Variants in PSMD1 observed in about 807,000 individuals in gnomAD.
The protein encoded by PSMD1 is proteasome 26S subunit, non-ATPase 1.
In PSMD1, 18 loss-of-function variants were observed where a neutral mutation model predicts 119.0. That is an observed-to-expected ratio of 0.15 (90% CI 0.10 to 0.22). PSMD1 has a LOEUF of 0.22. PSMD1 is among the 10% of genes least tolerant of loss of function. PSMD1 has a pLI of 1.00. For missense variants in PSMD1, 702 were observed against 1,158.5 expected, an observed-to-expected ratio of 0.61 and a Z score of 5.72; for synonymous variants, 374 against 396.6, an observed-to-expected ratio of 0.94 and a Z score of 0.68.
chr2:231,166,523 A>G (rs1438872684), intron 23 of PSMD1, among the ~76,000 whole-genome samples: 1 of 140,326 alleles, frequency 7.1e-6, no homozygotes, highest in African/African-American at 2.7e-5. Context: ...TTTTTTTTCT[A>G]TTTCATTACA....
chr2:231,085,524 T>G (rs1277656270), intron 15 of PSMD1, among the ~76,000 whole-genome samples: 1 of 152,192 alleles, frequency 6.6e-6, no homozygotes, highest in Non-Finnish European at 1.5e-5. Context: ...GTGCAGTGGC[T>G]CATGCCTGTA....
intron 5 of PSMD1, 52 bp downstream of exon 5, chr2:231,067,163 G>A: frequency 7.3e-7 from 1 of 1,368,116 alleles, no homozygotes; most frequent in South Asian, 1.5e-5. Flanking sequence ...AATCAGCAAA[G>A]CAAGTTATTC....
intron 4 of PSMD1, among the ~76,000 whole-genome samples, chr2:231,066,027 A>G (rs746468586): frequency 1.1e-4 from 16 of 152,208 alleles, no homozygotes; most frequent in African/African-American, 3.1e-4. Context: ...CTAATATGCT[A>G]TACAGGTTTG....
chr2:231,114,621 A>G (rs913296020), intron 16 of PSMD1, among the ~76,000 whole-genome samples: 7 of 152,238 alleles, frequency 4.6e-5, no homozygotes, highest in African/African-American at 1.7e-4. Flanking sequence ...TTGATTTGAA[A>G]AGAAAATCTC....
At chr2:231,084,012 A>T (rs1307180495) in intron 14 of PSMD1, among the ~76,000 whole-genome samples, 1 of 152,200 alleles carries the variant, frequency 6.6e-6, no homozygotes, top group African/African-American at 2.4e-5. Flanking sequence ...AAGCAGATTC[A>T]GCATAGTTCT....
intron 16 of PSMD1, chr2:231,133,693 A>G (rs1695903806): frequency 6.6e-6 from 1 of 152,202 alleles, no homozygotes; most frequent in Non-Finnish European, 1.5e-5. Context: ...CTGCCTATCT[A>G]TGTATATTGC....
chr2:231,087,461 A>G (rs1438192085), intron 16 of PSMD1, among the ~76,000 whole-genome samples: 1 of 152,224 alleles, frequency 6.6e-6, no homozygotes, highest in African/African-American at 2.4e-5. Flanking sequence ...TTTAAATCCA[A>G]ATAACACATC....
At chr2:231,110,422 G>A (rs1049672416) in intron 16 of PSMD1, among the ~76,000 whole-genome samples, 4 of 152,190 alleles carry the variant, frequency 2.6e-5, no homozygotes, top group African/African-American at 9.7e-5. Flanking sequence ...TCTTAGTGAA[G>A]TAGCTTATTA....
rs187861126 is a variant in PSMD1, at chr2:231,111,147, C to T, written c.1883+23966C>T. On this transcript the variant is annotated intron_variant, in intron 16 of 24. Coordinates refer to ENST00000308696, the MANE Select transcript of PSMD1 (RefSeq NM_002807.4). ...CCAGCATTTTCTACTTCATCCCATTCGTGACCCTTCTAAGACCTTAATTTT... is the reference window on the plus strand; with the variant it reads ...CCAGCATTTTCTACTTCATCCCATTTGTGACCCTTCTAAGACCTTAATTTT... 7.0e-4 allele frequency among the ~76,000 whole-genome samples: 106 copies of T among 152,290 alleles called. 1 individual carries two copies. The highest frequency in any genetic ancestry group is 2.2e-3 in the African/African-American group (90 of 41,554).
At chr2:231,087,314 G>GT in intron 16 of PSMD1, 133 bp downstream of exon 16, 2 of 675,664 alleles carry the variant, frequency 3.0e-6, no homozygotes, top group Non-Finnish European at 5.1e-6. Flanking sequence ...TGGGTTCAGA[G>GT]TGAGGACCAT....
At chr2:231,099,064 G>A (rs971910945) in intron 16 of PSMD1, among the ~76,000 whole-genome samples, 2 of 152,184 alleles carry the variant, frequency 1.3e-5, no homozygotes, top group African/African-American at 4.8e-5. Flanking sequence ...GTTATAACGA[G>A]GAAGGATAAC....
At chr2:231,168,062 G>C in intron 23 of PSMD1, among the ~76,000 whole-genome samples, 1 of 152,156 alleles carries the variant, frequency 6.6e-6, no homozygotes, top group East Asian at 1.9e-4. Context: ...CTGGACACCA[G>C]CTTAGGCAAC....
intron 14 of PSMD1, among the ~76,000 whole-genome samples, chr2:231,084,284 A>G (rs1694381263): frequency 1.3e-5 from 2 of 152,226 alleles, no homozygotes; most frequent in South Asian, 4.1e-4. Context: ...CCTGGGAGAC[A>G]GAGGTTATAG....
At chr2:231,098,587 C>T (rs752240016) in intron 16 of PSMD1, among the ~76,000 whole-genome samples, 2 of 151,592 alleles carry the variant, frequency 1.3e-5, no homozygotes, top group Admixed American at 6.6e-5. Flanking sequence ...CCCCTCTCTG[C>T]TGTTCTTTCC....
chr2:231,108,914 C>T (rs762274085), intron 16 of PSMD1: 1 of 1,613,916 alleles, frequency 6.2e-7, no homozygotes, highest in Non-Finnish European at 8.5e-7. Context: ...ACAGGAATCA[C>T]ATAAAACTAA....
At position 231,170,578 on chromosome 2, in the gene PSMD1, G is replaced by A; in HGVS notation, c.2728G>A (p.Gly910Ser). ...YQPFKPLSIG[G>S]IIILKDTSED... The stretch of plus-strand genomic sequence containing the variant: ...CCTGTGTTTCCAGCTCTCTATTGGA[G>A]GCATCATCATTCTGAAGGATACCAG... Residue 910 changes from glycine (G) to serine (S), a missense_variant, in exon 24 of 25, where the codon GGC becomes AGC. By Grantham distance (56) the Gly-to-Ser change is moderately conservative. Coordinates refer to ENST00000308696, the MANE Select transcript of PSMD1 (RefSeq NM_002807.4). This position sits in a 1 kb window ranked among gnomAD's most constrained non-coding sequence, Gnocchi z 4.1. 1 of 1,613,366 alleles carries A rather than the reference G, an allele frequency of 6.2e-7. No homozygotes were observed. The highest frequency in any genetic ancestry group is 8.5e-7 in the Non-Finnish European group (1 of 1,179,758).
At chr2:231,115,580 C>T (rs1695302334) in intron 16 of PSMD1, among the ~76,000 whole-genome samples, 1 of 151,928 alleles carries the variant, frequency 6.6e-6, no homozygotes, top group Non-Finnish European at 1.5e-5. Context: ...TAAACTTTGC[C>T]TGCTTGTTGA....
intron 18 of PSMD1, among the ~76,000 whole-genome samples, chr2:231,149,251 A>G (rs1313386419): frequency 6.6e-6 from 1 of 152,242 alleles, no homozygotes; most frequent in African/African-American, 2.4e-5. Context: ...ACATCCCTGG[A>G]TCAAAGGTTC....
intron 18 of PSMD1, among the ~76,000 whole-genome samples, chr2:231,151,915 C>T (rs534483819): frequency 1.4e-5 from 2 of 147,870 alleles, no homozygotes; most frequent in Non-Finnish European, 3.0e-5. Flanking sequence ...TGGATTCAAG[C>T]GATTCTCCTG....
Sources: gnomAD v4.1 joint callset for allele counts (sites outside exome capture counted in the v4.1 genomes callset) on GRCh38, gnomAD v4.1.1 for gene constraint, Gnocchi (gnomAD v3.1) non-coding constraint, MANE v1.5 for transcripts, NCBI Gene and HGNC (gene_info 2026-07-23, HGNC 2026-07-21) for gene names.